GLI2: variants seen among roughly 807,000 people sequenced by gnomAD.
GLI2 encodes transcription activator GLI2.
In GLI2, 22 loss-of-function variants were observed where a neutral mutation model predicts 78.9. The observed-to-expected ratio is 0.28, with a 90% confidence interval of 0.20 to 0.40. The LOEUF (loss-of-function observed/expected upper bound fraction) is 0.40. Ranked by LOEUF, GLI2 falls within the 10% of genes least tolerant of loss-of-function variation. The pLI is 1.00. For missense variants in GLI2, 2,097 were observed against 2,213.2 expected, an observed-to-expected ratio of 0.95 and a Z score of 1.05; for synonymous variants, 974 against 963.7, an observed-to-expected ratio of 1.01 and a Z score of -0.20.
intron 2 of GLI2, among the ~76,000 whole-genome samples, chr2:120,864,669 G>C (rs752062398): frequency 1.3e-5 from 2 of 152,186 alleles, no homozygotes; most frequent in East Asian, 3.9e-4. Flanking sequence ...GGATGGTCTC[G>C]ATCTCTTGAC....
At chr2:120,970,926 A>T (rs1346584567) in intron 7 of GLI2, among the ~76,000 whole-genome samples, 1 of 152,252 alleles carries the variant, frequency 6.6e-6, no homozygotes, top group African/African-American at 2.4e-5. Flanking sequence ...GTGAATCATT[A>T]TAAGACTGTG....
intron 1 of GLI2, among the ~76,000 whole-genome samples, chr2:120,749,319 G>C (rs948530590): frequency 6.6e-6 from 1 of 152,130 alleles, no homozygotes; most frequent in African/African-American, 2.4e-5. Flanking sequence ...TCCTTGGTTT[G>C]AGAAAGCAAG....
At chr2:120,894,571 G>A (rs1354677797) in intron 2 of GLI2, among the ~76,000 whole-genome samples, 3 of 151,598 alleles carry the variant, frequency 2.0e-5, no homozygotes, top group Non-Finnish European at 4.4e-5. Flanking sequence ...TGTGTCTTGT[G>A]TCCTTGAGGA....
At chr2:120,987,037 G>T (rs545029769) in intron 13 of GLI2, among the ~76,000 whole-genome samples, 1 of 152,214 alleles carries the variant, frequency 6.6e-6, no homozygotes, top group Non-Finnish European at 1.5e-5. Context: ...ACTGCAGAAC[G>T]AGCCAGGTAC....
intron 2 of GLI2, among the ~76,000 whole-genome samples, chr2:120,807,691 G>T (rs1685026402): frequency 6.6e-6 from 1 of 152,156 alleles, no homozygotes; most frequent in Non-Finnish European, 1.5e-5. Context: ...CAGCCCCTTG[G>T]CAAAGGGCTC....
At chr2:120,874,583 G>A (rs756284349) in intron 2 of GLI2, among the ~76,000 whole-genome samples, 17 of 152,310 alleles carry the variant, frequency 1.1e-4, no homozygotes, top group Admixed American at 5.9e-4. Flanking sequence ...TCTACGGGTG[G>A]CATCTATCAT....
chr2:120,879,429 G>A (rs1184630272), intron 2 of GLI2, among the ~76,000 whole-genome samples: 2 of 152,200 alleles, frequency 1.3e-5, no homozygotes, highest in Admixed American at 6.5e-5. Flanking sequence ...GTGGATTGGA[G>A]GGAGCCCCAG....
chr2:120,824,922 A>G (rs1177770678), intron 2 of GLI2, among the ~76,000 whole-genome samples: 1 of 152,076 alleles, frequency 6.6e-6, no homozygotes, highest in East Asian at 1.9e-4. Flanking sequence ...TGTAGCCTCG[A>G]CCACCCGGGC....
At chr2:120,838,156 T>TG (rs1460203582) in intron 2 of GLI2, among the ~76,000 whole-genome samples, 1 of 152,240 alleles carries the variant, frequency 6.6e-6, no homozygotes, top group Non-Finnish European at 1.5e-5. Flanking sequence ...TATGTCTTTT[T>TG]GTTTTATCAT....
chr2:120,851,065 C>A (rs961273272), intron 2 of GLI2, among the ~76,000 whole-genome samples: 6 of 152,124 alleles, frequency 3.9e-5, no homozygotes, highest in African/African-American at 1.4e-4. Context: ...AAAAATCATA[C>A]GCAGATCTTT....
chr2:120,938,964 T>C (rs770880147), intron 3 of GLI2, among the ~76,000 whole-genome samples: 68 of 152,082 alleles, frequency 4.5e-4, no homozygotes, highest in African/African-American at 1.6e-3. Flanking sequence ...ATTGGTCTTA[T>C]TGATTATTGA....
chr2:120,937,518 C>A (rs1353141503), intron 3 of GLI2, among the ~76,000 whole-genome samples: 1 of 152,184 alleles, frequency 6.6e-6, no homozygotes, highest in Non-Finnish European at 1.5e-5. Context: ...CCCAGAGCAC[C>A]AGGAATACAG....
intron 2 of GLI2, among the ~76,000 whole-genome samples, chr2:120,910,685 CCAGT>C (rs1256713086): frequency 5.3e-5 from 8 of 152,176 alleles, no homozygotes; most frequent in African/African-American, 1.9e-4. Flanking sequence ...ATTTTTAACG[CCAGT>C]CAGAATGTTT....
At chr2:120,935,073 G>A (rs1680129684) in intron 3 of GLI2, among the ~76,000 whole-genome samples, 1 of 152,162 alleles carries the variant, frequency 6.6e-6, no homozygotes, top group Admixed American at 6.5e-5. Context: ...TAGAGGATTG[G>A]CTTTGTTTGT....
chr2:120,977,415 TAA>T (rs1266986513), intron 9 of GLI2, among the ~76,000 whole-genome samples: 4 of 152,238 alleles, frequency 2.6e-5, no homozygotes, highest in Non-Finnish European at 4.4e-5. Flanking sequence ...TTTTCCATTC[TAA>T]GTCTTTGAAA....
In GLI2 at chr2:120,851,402, G is replaced by A. The variant is rs559597842; in HGVS notation, c.148+53934G>A. Among the ~76,000 whole-genome samples the A allele has an allele frequency of 5.9e-5, 9 of 152,368 alleles. No homozygotes were observed. The South Asian group carries it at 1.2e-3, about 21-fold the overall frequency. ...TTGGAAATACACAAAAATGCAGCCCGTGGGCCCCCAGGGCCAGGGGACTGG... is the reference window on the plus strand; with the variant it reads ...TTGGAAATACACAAAAATGCAGCCCATGGGCCCCCAGGGCCAGGGGACTGG... On this transcript the variant is annotated intron_variant, in intron 2 of 13. Coordinates refer to ENST00000361492, the MANE Select transcript of GLI2 (RefSeq NM_001374353.1).
rs991150712 is a variant in GLI2, at chr2:120,978,320, A to C, written c.1318-114A>C. The C allele has an allele frequency of 4.5e-6, 5 of 1,111,138 alleles. No homozygotes were observed. In the African/African-American group the frequency reaches 7.7e-5, roughly 17 times the overall value. The allele number at this position is 1,111,138 out of a possible 1,614,324, so 68.8% of individuals were successfully genotyped here. ...GTGGTCAGCAGGGTGGATGGTCTGC[A>C]CACAGGTCGGGGAGGGCTGGGGGGG... On this transcript the variant is annotated intron_variant, in intron 9 of 13. Coordinates refer to ENST00000361492, the MANE Select transcript of GLI2 (RefSeq NM_001374353.1).
At chr2:120,980,849 C>T (rs1682685894) in intron 10 of GLI2, among the ~76,000 whole-genome samples, 1 of 151,782 alleles carries the variant, frequency 6.6e-6, no homozygotes, top group African/African-American at 2.4e-5. Flanking sequence ...TATAATATAG[C>T]TCTTCCATTG....
At chr2:120,968,367 T>C (rs1477891441) in intron 5 of GLI2, among the ~76,000 whole-genome samples, 5 of 152,150 alleles carry the variant, frequency 3.3e-5, no homozygotes, top group Non-Finnish European at 5.9e-5. Context: ...TGCTCACTTA[T>C]GATTCGTGCA....
Sources: allele counts gnomAD v4.1 joint callset (sites outside exome capture counted in the v4.1 genomes callset), GRCh38; gene constraint gnomAD v4.1.1; transcripts MANE v1.5; gene names NCBI Gene and HGNC (gene_info 2026-07-23, HGNC 2026-07-21).